Variants in ERC1 observed in about 807,000 individuals in gnomAD.
The protein encoded by ERC1 is ELKS/RAB6-interacting/CAST family member 1.
ERC1 carries 56 observed loss-of-function variants against 132.0 expected under a neutral mutation model. The observed-to-expected ratio is 0.42, with a 90% CI of 0.34 to 0.53. The LOEUF is 0.53. ERC1 is among the 20% of genes least tolerant of loss of function. The pLI, the probability that ERC1 is intolerant of heterozygous loss-of-function variation, is 0.03. For synonymous variants in ERC1, 478 were observed against 476.1 expected (o/e 1.00, Z -0.05); for missense variants, 1,202 against 1,349.9 (o/e 0.89, Z 1.72).
intron 18 of ERC1, among the ~76,000 whole-genome samples, chr12:1,478,558 C>T (rs1257415624): frequency 1.3e-5 from 2 of 151,972 alleles, no homozygotes; most frequent in Non-Finnish European, 2.9e-5. Context: ...CTTTGGGAGG[C>T]CGAGGCGGGT....
At chr12:1,399,066 C>A (rs2090796077) in intron 16 of ERC1, among the ~76,000 whole-genome samples, 1 of 149,692 alleles carries the variant, frequency 6.7e-6, no homozygotes, top group Admixed American at 6.7e-5. Flanking sequence ...CCACCTCAGC[C>A]TCCAAAGTAC....
chr12:1,272,957 A>AC (rs2077976933), intron 14 of ERC1, among the ~76,000 whole-genome samples: 1 of 151,486 alleles, frequency 6.6e-6, no homozygotes, highest in Non-Finnish European at 1.5e-5. Context: ...AAAAAAAAAA[A>AC]AAAAAAAAAA....
intron 15 of ERC1, among the ~76,000 whole-genome samples, chr12:1,357,162 A>G (rs1352530392): frequency 6.6e-6 from 1 of 152,142 alleles, no homozygotes; most frequent in Non-Finnish European, 1.5e-5. Flanking sequence ...ACAAATCCCA[A>G]AATTAGATGT....
At chr12:1,111,765 G>A (rs377461315) in intron 5 of ERC1, among the ~76,000 whole-genome samples, 7 of 151,918 alleles carry the variant, frequency 4.6e-5, no homozygotes, top group African/African-American at 1.7e-4. Context: ...CCACCACCAT[G>A]CCCAGTTAAT....
At chr12:1,125,198 G>A (rs531604197) in intron 7 of ERC1, among the ~76,000 whole-genome samples, 1 of 151,950 alleles carries the variant, frequency 6.6e-6, no homozygotes, top group Non-Finnish European at 1.5e-5. Context: ...GTTTCACTGT[G>A]TTAGCCAGGC....
At chr12:1,271,480 A>G (rs1354950026) in intron 14 of ERC1, among the ~76,000 whole-genome samples, 1 of 152,210 alleles carries the variant, frequency 6.6e-6, no homozygotes, top group East Asian at 1.9e-4. Context: ...AAATTTGAGG[A>G]TAAGAAGCAA....
intron 7 of ERC1, among the ~76,000 whole-genome samples, chr12:1,136,450 A>G (rs1014932826): frequency 3.3e-5 from 5 of 152,168 alleles, no homozygotes; most frequent in Non-Finnish European, 7.4e-5. Flanking sequence ...CACTTTCTAT[A>G]ATATATTTAT....
intron 8 of ERC1, among the ~76,000 whole-genome samples, chr12:1,175,625 C>T (rs976894606): frequency 2.0e-5 from 3 of 151,760 alleles, no homozygotes; most frequent in Non-Finnish European, 4.4e-5. Flanking sequence ...CCTCTGCCTC[C>T]TGGGTTCAAG....
rs567595051 is a variant in ERC1, at chr12:1,186,065, G to A, written c.2157+2644G>A. Among the ~76,000 whole-genome samples the A allele has an allele frequency of 3.9e-5, 6 of 152,262 alleles. No homozygotes were observed. The South Asian group carries it at 1.2e-3, about 32-fold the overall frequency. On this transcript the variant is annotated intron_variant, in intron 11 of 18. Coordinates refer to ENST00000360905, the MANE Select transcript of ERC1 (RefSeq NM_178040.4). Reference sequence around the variant, plus strand: ...AGAAATTGGTAGAGGACTTAATCTCGAAAGTACCTCTATTGCTTCCACAAA... The same window carrying A: ...AGAAATTGGTAGAGGACTTAATCTCAAAAGTACCTCTATTGCTTCCACAAA...
At chr12:1,214,151 C>T (rs560443407) in intron 12 of ERC1, among the ~76,000 whole-genome samples, 1 of 152,056 alleles carries the variant, frequency 6.6e-6, no homozygotes, top group East Asian at 1.9e-4. Flanking sequence ...TGTACACCAT[C>T]TTCATTTCAT....
At chr12:1,146,308 GTTTTTTT>G (rs1172108036) in intron 8 of ERC1, among the ~76,000 whole-genome samples, 7 of 31,796 alleles carry the variant, frequency 2.2e-4, no homozygotes, top group South Asian at 2.3e-3. Flanking sequence ...TATTTTACTG[GTTTTTTT>G]TTTTTTTTTT....
chr12:1,315,276 C>G (rs1030969548), intron 15 of ERC1, among the ~76,000 whole-genome samples: 1 of 152,086 alleles, frequency 6.6e-6, no homozygotes, highest in Non-Finnish European at 1.5e-5. Flanking sequence ...CTCGGCCTTC[C>G]AAAGTGCTGG....
chr12:1,339,432 A>C (rs1217057819), intron 15 of ERC1, among the ~76,000 whole-genome samples: 1 of 139,662 alleles, frequency 7.2e-6, no homozygotes, highest in African/African-American at 2.9e-5. Context: ...AGCAGGTGCC[A>C]GGGTGCCCGC....
At chr12:997,236 A>G (rs1961116261) in intron 1 of ERC1, among the ~76,000 whole-genome samples, 1 of 152,254 alleles carries the variant, frequency 6.6e-6, no homozygotes, top group South Asian at 2.1e-4. Context: ...ATCAGACAGT[A>G]GTTGCCTAGA....
chr12:1,202,610 T>A (rs530090712), intron 12 of ERC1, among the ~76,000 whole-genome samples: 1 of 152,198 alleles, frequency 6.6e-6, no homozygotes, highest in East Asian at 1.9e-4. Flanking sequence ...TGAGCCAAGA[T>A]TGCGCCACTG....
intron 12 of ERC1, among the ~76,000 whole-genome samples, chr12:1,232,458 C>T (rs893042081): frequency 4.6e-5 from 7 of 152,202 alleles, no homozygotes; most frequent in Non-Finnish European, 1.0e-4. Context: ...TTTAATGCTG[C>T]ATCGGAGCTT....
intron 15 of ERC1, among the ~76,000 whole-genome samples, chr12:1,332,976 C>T (rs956215342): frequency 6.6e-6 from 1 of 151,856 alleles, no homozygotes; most frequent in Non-Finnish European, 1.5e-5. Flanking sequence ...ATTATTTCCT[C>T]GCCCGGGTAT....
intron 5 of ERC1, among the ~76,000 whole-genome samples, chr12:1,111,076 G>A (rs191442003): frequency 9.1e-4 from 139 of 152,178 alleles, no homozygotes; most frequent in Admixed American, 7.6e-3. Flanking sequence ...GTAACGGAAA[G>A]CCCTTTCTTT....
chr12:1,291,620 G>T (rs189602893), intron 15 of ERC1, among the ~76,000 whole-genome samples: 68 of 152,316 alleles, frequency 4.5e-4, no homozygotes, highest in Non-Finnish European at 7.1e-4. Flanking sequence ...GGAAAAGGTA[G>T]TTGGCCCATT....
Sources: allele counts gnomAD v4.1 joint callset (sites outside exome capture counted in the v4.1 genomes callset), GRCh38; gene constraint gnomAD v4.1.1; transcripts MANE v1.5; gene names NCBI Gene and HGNC (gene_info 2026-07-23, HGNC 2026-07-21).